The following MCTP2 variants were observed in gnomAD, a reference collection of about 807,000 sequenced individuals.
MCTP2 encodes the protein multiple C2 and transmembrane domain-containing protein 2.
Under a neutral mutation model 111.6 loss-of-function variants are expected in MCTP2, and 132 were observed. The observed-to-expected ratio is 1.18, with a 90% CI of 1.03 to 1.37. MCTP2 has a LOEUF of 1.37. Ranked by LOEUF, MCTP2 falls within the 40% of genes most tolerant of loss-of-function variation. The pLI, the probability that MCTP2 is intolerant of heterozygous loss-of-function variation, is 0.00. For synonymous variants in MCTP2, 395 were observed against 387.7 expected (o/e 1.02, Z -0.22); for missense variants, 1,183 against 1,067.9 (o/e 1.11, Z -1.50).
chr15:94,264,188 T>A (rs79813627), intron 1 of MCTP2, among the ~76,000 whole-genome samples: 2,494 of 152,268 alleles, frequency 0.016, 69 homozygotes, highest in African/African-American at 0.057. Flanking sequence ...TGTCACAGTG[T>A]AGTGATGAAG....
At chr15:94,287,575 C>T (rs2074821349) in intron 1 of MCTP2, among the ~76,000 whole-genome samples, 1 of 152,162 alleles carries the variant, frequency 6.6e-6, no homozygotes, top group Admixed American at 6.6e-5. Flanking sequence ...TAAATGAGTT[C>T]CGGTTCTGAA....
At chr15:94,457,733 G>A (rs906528759) in intron 19 of MCTP2, among the ~76,000 whole-genome samples, 1 of 152,204 alleles carries the variant, frequency 6.6e-6, no homozygotes, top group Non-Finnish European at 1.5e-5. Flanking sequence ...AACATGCCAG[G>A]AACATCTCTG....
intron 1 of MCTP2, among the ~76,000 whole-genome samples, chr15:94,276,038 A>C (rs10152327): frequency 6.6e-6 from 1 of 151,440 alleles, no homozygotes; most frequent in Non-Finnish European, 1.5e-5. Context: ...TAGAGATGGG[A>C]TTTCACCGTG....
chr15:94,242,812 T>C (rs919876336), intron 1 of MCTP2, among the ~76,000 whole-genome samples: 1 of 151,282 alleles, frequency 6.6e-6, no homozygotes, highest in Non-Finnish European at 1.5e-5. Context: ...GTATTGGGTT[T>C]AGTGGTTTCT....
rs941296313 is a variant in MCTP2 at position 94,482,871 on chromosome 15, A to G, written c.*3837A>G. On this transcript the variant is annotated 3_prime_UTR_variant, in exon 23 of 23. Coordinates refer to ENST00000357742, the MANE Select transcript of MCTP2 (RefSeq NM_001385001.1). ...TACTGCAAGAAAGCTGATGTGGTCA[A>G]TAATATCAAATGCCGCTGAGATCAC... is the stretch of plus-strand genomic sequence containing the variant. The G allele has an allele frequency of 1.3e-5, 2 of 152,240 alleles. No homozygotes were observed. Among genetic ancestry groups the G allele is most frequent in the African/African-American group, 2.4e-5 (1 of 41,466 alleles). The allele number at this position is 152,240 out of a possible 1,614,324, so 9.4% of individuals were successfully genotyped here. A position where few individuals can be genotyped will look rare whatever the true frequency, so the allele number is the denominator to read the frequency against.
chr15:94,472,282 C>T (rs1340676625), intron 21 of MCTP2, among the ~76,000 whole-genome samples: 2 of 152,186 alleles, frequency 1.3e-5, no homozygotes, highest in Non-Finnish European at 2.9e-5. Flanking sequence ...GAGGCTGAGG[C>T]ATGAGAATCG....
At chr15:94,467,154 TGA>T (rs2073417734) in intron 20 of MCTP2, among the ~76,000 whole-genome samples, 3 of 152,142 alleles carry the variant, frequency 2.0e-5, no homozygotes, top group Non-Finnish European at 1.5e-5. Flanking sequence ...GATGGGAAAA[TGA>T]AAGCACAGAG....
In MCTP2 at chr15:94,481,148, T is replaced by C. The variant is rs1426304013; in HGVS notation, c.*2114T>C. The C allele has an allele frequency of 6.6e-6, 1 of 152,226 alleles. No individual in the cohort carries two copies. The highest frequency in any genetic ancestry group is 2.4e-5 in the African/African-American group (1 of 41,458). 9.4% of individuals were successfully genotyped at this position (152,226 alleles called of 1,614,324 possible). A position where few individuals can be genotyped will look rare whatever the true frequency, so the allele number is the denominator to read the frequency against. On this transcript the variant is annotated 3_prime_UTR_variant, in exon 23 of 23. Coordinates refer to ENST00000357742, the MANE Select transcript of MCTP2 (RefSeq NM_001385001.1). ...ACAGTGTGATAATTAAGTAGGGATG[T>C]TGAAGTCTTGCCAAGTTTTCCTGGT...
At chr15:94,327,541 A>G (rs1221495531) in intron 4 of MCTP2, among the ~76,000 whole-genome samples, 1 of 152,198 alleles carries the variant, frequency 6.6e-6, no homozygotes, top group Non-Finnish European at 1.5e-5. Context: ...ACCTTCTCTG[A>G]ACACCAGATG....
chr15:94,427,942 A>G (rs2082974811), intron 17 of MCTP2, among the ~76,000 whole-genome samples: 2 of 152,172 alleles, frequency 1.3e-5, no homozygotes, highest in South Asian at 4.1e-4. Flanking sequence ...GCTTAACAAC[A>G]ATAGTATCGG....
At position 94,367,726 on chromosome 15, in the gene MCTP2, G is replaced by A. The variant is rs200107854; in HGVS notation, c.1423G>A (p.Val475Ile). The A allele has an allele frequency of 5.4e-5, 87 of 1,608,828 alleles. No homozygotes were observed. Among genetic ancestry groups the A allele is most frequent in the Admixed American group, 4.7e-4 (28 of 59,018 alleles). Residue 475 changes from valine to isoleucine, a missense_variant, in exon 11 of 23, where the codon GTC becomes ATC. Coordinates refer to ENST00000357742, the MANE Select transcript of MCTP2 (RefSeq NM_001385001.1). Reference protein sequence around the residue: ...VTLTPCAGVSVSDLCVCPLAD... With the variant: ...VTLTPCAGVSISDLCVCPLAD... ...ACTTACACCCTGTGCGGGGGTCTCC[G>A]TCTCTGATCTGTGTGTCTGCCCCTT...
At chr15:94,472,939 C>G (rs1157917829) in intron 21 of MCTP2, among the ~76,000 whole-genome samples, 1 of 152,128 alleles carries the variant, frequency 6.6e-6, no homozygotes, top group Non-Finnish European at 1.5e-5. Context: ...ATGTATATGT[C>G]TTAAAGTTTT....
chr15:94,389,584 G>A (rs2080747897), intron 14 of MCTP2, among the ~76,000 whole-genome samples: 1 of 152,112 alleles, frequency 6.6e-6, no homozygotes, highest in African/African-American at 2.4e-5. Context: ...TTTAGGAGAA[G>A]GACTTGTTTC....
intron 14 of MCTP2, among the ~76,000 whole-genome samples, chr15:94,397,942 A>G (rs1220639437): frequency 6.6e-6 from 1 of 152,224 alleles, no homozygotes; most frequent in Non-Finnish European, 1.5e-5. Flanking sequence ...TTAATCAGTT[A>G]CATATACTAC....
chr15:94,440,369 C>G, intron 18 of MCTP2, 71 bp downstream of exon 18: 1 of 1,580,956 alleles, frequency 6.3e-7, no homozygotes, highest in Non-Finnish European at 8.6e-7. Context: ...CCACCACCAC[C>G]AAATCATGGC....
At chr15:94,394,777 A>T (rs1238934097) in intron 14 of MCTP2, among the ~76,000 whole-genome samples, 1 of 152,194 alleles carries the variant, frequency 6.6e-6, no homozygotes, top group Non-Finnish European at 1.5e-5. Context: ...AGAAAGAAAA[A>T]AAAAAGTTAT....
chr15:94,245,391 T>C (rs377015526), intron 1 of MCTP2, among the ~76,000 whole-genome samples: 7 of 50,610 alleles, frequency 1.4e-4, no homozygotes, highest in African/African-American at 2.9e-4. Flanking sequence ...TATGTATTTA[T>C]ATACATGTGT....
At chr15:94,472,985 C>T (rs913299785) in intron 21 of MCTP2, among the ~76,000 whole-genome samples, 5 of 152,050 alleles carry the variant, frequency 3.3e-5, no homozygotes, top group African/African-American at 1.2e-4. Flanking sequence ...AGAAGACTTT[C>T]TTATTCTAAG....
intron 10 of MCTP2, among the ~76,000 whole-genome samples, chr15:94,363,762 T>C (rs1382378100): frequency 2.6e-5 from 4 of 152,152 alleles, no homozygotes; most frequent in Admixed American, 2.6e-4. Flanking sequence ...GATGTTGGAA[T>C]AAAAATTTCC....
Sources: allele counts gnomAD v4.1 joint callset (sites outside exome capture counted in the v4.1 genomes callset), GRCh38; gene constraint gnomAD v4.1.1; transcripts MANE v1.5; gene names NCBI Gene and HGNC (gene_info 2026-07-23, HGNC 2026-07-21).